The following HTR4 variants were observed in gnomAD, a reference collection of about 807,000 sequenced individuals.
HTR4 encodes 5-hydroxytryptamine (serotonin) receptor 4, G protein-coupled.
Under a neutral mutation model 36.8 loss-of-function variants are expected in HTR4, and 16 were observed. That is an observed-to-expected ratio of 0.43 (90% CI 0.29 to 0.66). The LOEUF (loss-of-function observed/expected upper bound fraction) is 0.66, where lower values mean the gene tolerates loss of function less well. HTR4 is among the 30% of genes least tolerant of loss of function. The pLI is 0.13. For missense variants in HTR4, 438 were observed against 490.9 expected, an observed-to-expected ratio of 0.89 and a Z score of 1.02; for synonymous variants, 189 against 185.1, an observed-to-expected ratio of 1.02 and a Z score of -0.17.
At chr5:148,452,703 C>T (rs918783955) in intron 5 of HTR4, among the ~76,000 whole-genome samples, 1 of 152,156 alleles carries the variant, frequency 6.6e-6, no homozygotes, top group African/African-American at 2.4e-5. Flanking sequence ...CAGAACCGTC[C>T]ACCGCAGCTG....
intron 5 of HTR4, among the ~76,000 whole-genome samples, chr5:148,517,019 T>C (rs148870386): frequency 1.1e-3 from 164 of 152,272 alleles, no homozygotes; most frequent in African/African-American, 3.8e-3. Flanking sequence ...AGCTACTAAG[T>C]CTTATTTGTC....
intron 2 of HTR4, among the ~76,000 whole-genome samples, chr5:148,614,662 A>G (rs1205527504): frequency 6.6e-6 from 1 of 152,174 alleles, no homozygotes; most frequent in Non-Finnish European, 1.5e-5. Context: ...AATGGCAACA[A>G]AAGACAAAAT....
At chr5:148,506,434 G>A (rs140435901) in intron 6 of HTR4, among the ~76,000 whole-genome samples, 2,396 of 152,050 alleles carry the variant, frequency 0.016, 33 homozygotes, top group Middle Eastern at 0.048. Flanking sequence ...AAGAAAACCT[G>A]GGCAATACCA....
intron 1 of HTR4, among the ~76,000 whole-genome samples, chr5:148,642,665 C>T (rs957931029): frequency 1.2e-4 from 19 of 152,120 alleles, no homozygotes; most frequent in African/African-American, 4.3e-4. Flanking sequence ...GTACTCCAAA[C>T]TCTCTTGACC....
intron 1 of HTR4, among the ~76,000 whole-genome samples, chr5:148,642,516 G>A (rs1753758075): frequency 6.6e-6 from 1 of 152,118 alleles, no homozygotes; most frequent in Non-Finnish European, 1.5e-5. Flanking sequence ...CCTATCCAAA[G>A]GCTTGTTGTT....
intron 2 of HTR4, among the ~76,000 whole-genome samples, chr5:148,624,754 G>T (rs759729520): frequency 6.6e-6 from 1 of 152,204 alleles, no homozygotes; most frequent in East Asian, 1.9e-4. Flanking sequence ...ATAGAGTGGA[G>T]ATGGGTAATG....
chr5:148,465,589 T>C (rs1188431567), intron 5 of HTR4, among the ~76,000 whole-genome samples: 8 of 152,106 alleles, frequency 5.3e-5, no homozygotes, highest in Non-Finnish European at 1.2e-4. Context: ...ATCGCAGTGC[T>C]CATCTCCCAC....
intron 2 of HTR4, among the ~76,000 whole-genome samples, chr5:148,600,271 A>G (rs1261726361): frequency 6.8e-6 from 1 of 148,108 alleles, no homozygotes; most frequent in African/African-American, 2.4e-5. Flanking sequence ...ATATATACAT[A>G]TATAACATAT....
chr5:148,523,515 G>A (rs1312984490), intron 4 of HTR4, among the ~76,000 whole-genome samples, 169 bp from the exon 5 acceptor site: 1 of 151,542 alleles, frequency 6.6e-6, no homozygotes, highest in East Asian at 1.9e-4. Context: ...ATAAAAATAA[G>A]GAAATAAAAG....
At chr5:148,649,230 A>G (rs1435696915) in intron 1 of HTR4, among the ~76,000 whole-genome samples, 1 of 151,964 alleles carries the variant, frequency 6.6e-6, no homozygotes, top group Admixed American at 6.6e-5. Flanking sequence ...TTTCTGAGTA[A>G]GTGCTTAGAG....
At chr5:148,536,410 T>G (rs935721934) in intron 4 of HTR4, among the ~76,000 whole-genome samples, 1 of 151,924 alleles carries the variant, frequency 6.6e-6, no homozygotes, top group African/African-American at 2.4e-5. Flanking sequence ...GTAAATGGAT[T>G]AAATGCCTCA....
intron 2 of HTR4, among the ~76,000 whole-genome samples, chr5:148,617,470 TTTTTTTTG>T (rs1414257167): frequency 5.9e-5 from 5 of 84,962 alleles, no homozygotes; most frequent in South Asian, 4.3e-4. Flanking sequence ...TCTCTTTTGT[TTTTTTTTG>T]TTTTTTTTGA....
At chr5:148,563,349 A>T (rs1760299079) in intron 2 of HTR4, among the ~76,000 whole-genome samples, 1 of 152,142 alleles carries the variant, frequency 6.6e-6, no homozygotes, top group Non-Finnish European at 1.5e-5. Context: ...GCTCAGATTC[A>T]TCTCTGCAGA....
chr5:148,610,359 G>A (rs545231372), intron 2 of HTR4, among the ~76,000 whole-genome samples: 5 of 152,076 alleles, frequency 3.3e-5, no homozygotes, highest in African/African-American at 4.8e-5. Flanking sequence ...CCTCAAGTGG[G>A]TCCCTGACCC....
chr5:148,633,177 ACCAGGGCCTGATTCACTG>A (rs1296561947), intron 2 of HTR4, among the ~76,000 whole-genome samples: 8 of 152,220 alleles, frequency 5.3e-5, no homozygotes, highest in Admixed American at 3.3e-4. Flanking sequence ...TGCCTCCCCA[ACCAGGGCCTGATTCACTG>A]CCAGCTTTTC....
intron 2 of HTR4, among the ~76,000 whole-genome samples, chr5:148,615,998 T>C (rs1752668509): frequency 6.6e-6 from 1 of 152,172 alleles, no homozygotes; most frequent in African/African-American, 2.4e-5. Flanking sequence ...TATTTTTCAA[T>C]ATAAAATAAA....
At chr5:148,565,777 G>C (rs1299309513) in intron 2 of HTR4, among the ~76,000 whole-genome samples, 2 of 152,136 alleles carry the variant, frequency 1.3e-5, no homozygotes, top group African/African-American at 4.8e-5. Context: ...CTGAAGTTCA[G>C]ATTCTCTACC....
Position 148,643,823 on chromosome 5 carries a change from C to T in HTR4, c.-47-6762G>A, listed in dbSNP as rs73797940. 2.5e-3 allele frequency among the ~76,000 whole-genome samples: 380 copies of T among 152,244 alleles called. 1 individual carries two copies. The highest frequency in any genetic ancestry group is 8.3e-3 in the African/African-American group (344 of 41,522). On this transcript the variant is annotated intron_variant, in intron 1 of 6. Coordinates refer to ENST00000377888, the MANE Select transcript of HTR4 (RefSeq NM_000870.7). ...GCTGTTCAATTATTGATCTATGTGC[C>T]TTGGCAAGTGAAAGGATCCACCTCA...
chr5:148,595,585 A>G (rs906257612), intron 2 of HTR4, among the ~76,000 whole-genome samples: 6 of 152,176 alleles, frequency 3.9e-5, no homozygotes, highest in Admixed American at 3.9e-4. Flanking sequence ...CATTTGTAAC[A>G]GGAAAAGTCT....
Sources: allele counts gnomAD v4.1 joint callset (sites outside exome capture counted in the v4.1 genomes callset), GRCh38; gene constraint gnomAD v4.1.1; transcripts MANE v1.5; gene names NCBI Gene and HGNC (gene_info 2026-07-23, HGNC 2026-07-21).